TRIM33: variants seen among roughly 807,000 people sequenced by gnomAD.
TRIM33 encodes the protein tripartite motif containing 33, also known as E3 ubiquitin-protein ligase TRIM33.
Under a neutral mutation model 125.4 loss-of-function variants are expected in TRIM33, and 20 were observed. The ratio of observed to expected loss-of-function variants is 0.16; its 90% CI spans 0.11 to 0.23. TRIM33 has a LOEUF of 0.23. Among genes scored for constraint, TRIM33 ranks in the 10% least tolerant of loss-of-function variants. The probability of loss-of-function intolerance (pLI) is 1.00; values close to 1 mark genes in which losing one functional copy is unlikely to be tolerated. For synonymous variants in TRIM33, 564 were observed against 513.9 expected (o/e 1.10, Z -1.32); for missense variants, 920 against 1,411.4 (o/e 0.65, Z 5.58).
chr1:114,474,293 T>C (rs773887105), intron 1 of TRIM33, among the ~76,000 whole-genome samples: 4 of 151,802 alleles, frequency 2.6e-5, no homozygotes, highest in Non-Finnish European at 5.9e-5. Context: ...GCTGGAGTCT[T>C]GGTGCGGTGG....
At chr1:114,504,191 G>T (rs894980355) in intron 1 of TRIM33, among the ~76,000 whole-genome samples, 30 of 151,230 alleles carry the variant, frequency 2.0e-4, no homozygotes, top group Admixed American at 1.8e-3. Context: ...TAAAGACAGG[G>T]TCTCACGCCA....
intron 18 of TRIM33, 145 bp downstream of exon 18, chr1:114,399,310 GGA>G (rs1324683250): frequency 1.8e-6 from 1 of 560,130 alleles, no homozygotes; most frequent in African/African-American, 2.0e-5. Context: ...TTTCTTCACT[GGA>G]GCTGTTAATA....
intron 1 of TRIM33, among the ~76,000 whole-genome samples, chr1:114,495,304 A>C (rs1652308052): frequency 6.6e-6 from 1 of 152,198 alleles, no homozygotes; most frequent in South Asian, 2.1e-4. Context: ...TCCTGAAGGC[A>C]TCTGAGTTTG....
intron 4 of TRIM33, 24 bp from the exon 5 acceptor site, chr1:114,433,757 T>C (rs757699633): frequency 2.2e-6 from 3 of 1,352,328 alleles, no homozygotes; most frequent in Non-Finnish European, 3.1e-6. Flanking sequence ...CAAAACTACA[T>C]TTAAAACAAA....
intron 4 of TRIM33, among the ~76,000 whole-genome samples, chr1:114,460,670 T>C (rs935902332): frequency 1.3e-5 from 2 of 150,172 alleles, no homozygotes; most frequent in Non-Finnish European, 3.0e-5. Context: ...AACCTGATGT[T>C]AGCCAATAAA....
At position 114,395,077 on chromosome 1, in the gene TRIM33, T is replaced by G. The variant is rs1651472741; in HGVS notation, c.*2571A>C. The stretch of plus-strand genomic sequence containing the variant: ...TAATAGGAAAACATATATCTAAATA[T>G]CAATTTAAGTTTTTATACTTTTTAA... On this transcript the variant is annotated 3_prime_UTR_variant, in exon 20 of 20. Transcript: ENST00000358465. 1 of 191,844 alleles carries G rather than the reference T, an allele frequency of 5.2e-6. No individual in the cohort carries two copies. Among genetic ancestry groups the G allele is most frequent in the African/African-American group, 2.3e-5 (1 of 43,012 alleles). 11.9% of individuals were successfully genotyped at this position (191,844 alleles called of 1,614,324 possible). A position where few individuals can be genotyped will look rare whatever the true frequency, so the allele number is the denominator to read the frequency against.
chr1:114,471,940 A>G (rs1218058319), intron 1 of TRIM33, among the ~76,000 whole-genome samples: 1 of 152,186 alleles, frequency 6.6e-6, no homozygotes, highest in Admixed American at 6.5e-5. Context: ...ACATTTAGTG[A>G]AAAAAACCTG....
intron 6 of TRIM33, among the ~76,000 whole-genome samples, chr1:114,429,586 T>G (rs1647811956): frequency 6.6e-6 from 1 of 151,842 alleles, no homozygotes; most frequent in Non-Finnish European, 1.5e-5. Context: ...TTTATGTAAT[T>G]ATTCACCTAA....
rs1191232803 is a variant in TRIM33, at chr1:114,485,381, T to G, written c.527-20993A>C. Among the ~76,000 whole-genome samples the G allele has an allele frequency of 3.3e-5, 5 of 151,898 alleles. No homozygotes were observed. The South Asian group carries it at 6.2e-4, about 19-fold the overall frequency. On this transcript the variant is annotated intron_variant, in intron 1 of 19. Coordinates refer to ENST00000358465, the MANE Select transcript of TRIM33 (RefSeq NM_015906.4). Reference sequence around the variant, plus strand: ...AACTTCTACTCCCACCTGGCAATAATAAGGAATAAGGGGGTAAGAGACCAG... The same window carrying G: ...AACTTCTACTCCCACCTGGCAATAAGAAGGAATAAGGGGGTAAGAGACCAG...
chr1:114,408,533 G>T, intron 13 of TRIM33, 144 bp downstream of exon 13: 1 of 551,056 alleles, frequency 1.8e-6, no homozygotes, highest in Non-Finnish European at 3.3e-6. Context: ...CAGAAGTATA[G>T]AAGAAACAAG....
intron 1 of TRIM33, among the ~76,000 whole-genome samples, chr1:114,501,558 T>G (rs1447180817): frequency 6.6e-6 from 1 of 152,208 alleles, no homozygotes; most frequent in Admixed American, 6.5e-5. Flanking sequence ...ATTCTCTTGG[T>G]CACGGAGACC....
chr1:114,425,956 T>C (rs2101161248), intron 8 of TRIM33, among the ~76,000 whole-genome samples: 2 of 152,286 alleles, frequency 1.3e-5, no homozygotes, highest in Admixed American at 6.5e-5. Context: ...TCTGTCCTTA[T>C]TCTTTTTTAC....
intron 1 of TRIM33, among the ~76,000 whole-genome samples, chr1:114,509,463 C>A (rs1213552920): frequency 1.3e-5 from 2 of 152,134 alleles, no homozygotes; most frequent in African/African-American, 2.4e-5. Context: ...ACATAACAGA[C>A]CTTGCCAGAA....
intron 16 of TRIM33, 97 bp from the exon 17 acceptor site, chr1:114,401,560 A>T: frequency 5.4e-6 from 5 of 927,634 alleles, no homozygotes; most frequent in Non-Finnish European, 6.6e-6. Flanking sequence ...TTTGATTACA[A>T]CAAACTGAAC....
intron 4 of TRIM33, among the ~76,000 whole-genome samples, chr1:114,452,103 G>A (rs1382617423): frequency 1.3e-5 from 2 of 151,816 alleles, no homozygotes; most frequent in African/African-American, 4.8e-5. Flanking sequence ...TAAAAAACTG[G>A]GTCACTAAAA....
intron 6 of TRIM33, among the ~76,000 whole-genome samples, chr1:114,429,249 G>C (rs1386904461): frequency 1.3e-5 from 2 of 151,564 alleles, no homozygotes; most frequent in Admixed American, 6.6e-5. Flanking sequence ...GTGCGGAGGC[G>C]CAATCTTGCC....
chr1:114,438,088 A>G (rs1191342277), intron 4 of TRIM33, among the ~76,000 whole-genome samples: 1 of 152,142 alleles, frequency 6.6e-6, no homozygotes, highest in Non-Finnish European at 1.5e-5. Flanking sequence ...GTGTTTTTTA[A>G]AAGGCTGAGA....
chr1:114,476,275 TA>T (rs1284851623), intron 1 of TRIM33, among the ~76,000 whole-genome samples: 3 of 149,882 alleles, frequency 2.0e-5, no homozygotes, highest in Non-Finnish European at 1.5e-5. Context: ...CCACATCCTA[TA>T]AAAGTTTAAA....
At chr1:114,455,152 C>G (rs1019824360) in intron 4 of TRIM33, among the ~76,000 whole-genome samples, 6 of 152,092 alleles carry the variant, frequency 3.9e-5, no homozygotes, top group Non-Finnish European at 8.8e-5. Flanking sequence ...TCCAGACACA[C>G]CAGCAGGTTA....
Sources: allele counts gnomAD v4.1 joint callset (sites outside exome capture counted in the v4.1 genomes callset), GRCh38; gene constraint gnomAD v4.1.1; transcripts MANE v1.5; gene names NCBI Gene and HGNC (gene_info 2026-07-23, HGNC 2026-07-21).